Variants in PRDM16 observed in about 807,000 individuals in gnomAD.
The protein encoded by PRDM16 is PR/SET domain 16, also known as histone-lysine N-methyltransferase PRDM16.
A neutral mutation model predicts 110.6 loss-of-function variants in PRDM16; 23 were observed. The ratio of observed to expected loss-of-function variants is 0.21; its 90% confidence interval spans 0.15 to 0.29. The LOEUF is 0.29. PRDM16 is among the 10% of genes least tolerant of loss of function. The probability of loss-of-function intolerance (pLI) is 1.00; values close to 1 mark genes in which losing one functional copy is unlikely to be tolerated. For synonymous variants in PRDM16, 799 were observed against 781.8 expected (o/e 1.02, Z -0.37); for missense variants, 1,615 against 1,794.3 (o/e 0.90, Z 1.81).
At chr1:3,317,266 G>A (rs28541625) in intron 3 of PRDM16, among the ~76,000 whole-genome samples, 4,887 of 152,252 alleles carry the variant, frequency 0.032, 315 homozygotes, top group East Asian at 0.24. Context: ...AGGGACCTTG[G>A]AGACCTTACT....
At chr1:3,161,801 G>C (rs1266824829) in intron 1 of PRDM16, among the ~76,000 whole-genome samples, 1 of 152,244 alleles carries the variant, frequency 6.6e-6, no homozygotes, top group African/African-American at 2.4e-5. Context: ...CGGCGTCCCA[G>C]CTCCTGGGTG....
chr1:3,426,514 C>T (rs1018213761), intron 14 of PRDM16, among the ~76,000 whole-genome samples: 4 of 152,110 alleles, frequency 2.6e-5, no homozygotes, highest in Non-Finnish European at 2.9e-5. Context: ...GTGACCGAGC[C>T]GGGCACAAGT....
At chr1:3,146,843 G>A (rs757103561) in intron 1 of PRDM16, among the ~76,000 whole-genome samples, 52 of 135,076 alleles carry the variant, frequency 3.8e-4, no homozygotes, top group South Asian at 9.8e-4. Flanking sequence ...GTGCACACGT[G>A]TGTGCTCAGT....
At chr1:3,281,999 T>C (rs752089333) in intron 3 of PRDM16, among the ~76,000 whole-genome samples, 1 of 152,176 alleles carries the variant, frequency 6.6e-6, no homozygotes, top group Non-Finnish European at 1.5e-5. Flanking sequence ...GGAAAGGCCT[T>C]GGGCTGCAGT....
Position 3,206,001 on chromosome 1 carries a change from C to T in PRDM16, c.387+19527C>T, listed in dbSNP as rs74048310. On this transcript the variant is annotated intron_variant, in intron 2 of 16. Coordinates refer to ENST00000270722, the MANE Select transcript of PRDM16 (RefSeq NM_022114.4). The surrounding 1 kb of genome is among the most constrained non-coding windows in gnomAD (Gnocchi z 4.9). ...CAGGGAGTTGCAGAAAACAGCAGCG[C>T]GCCCCAGCGCTGCCCTCCCAGCTGT... 0.024 allele frequency: 3,706 copies of T among 152,406 alleles called. 122 individuals are homozygous for T. The highest frequency in any genetic ancestry group is 0.075 in the African/African-American group (3,126 of 41,552). 9.4% of individuals were successfully genotyped at this position (152,406 alleles called of 1,614,324 possible). A position where few individuals can be genotyped will look rare whatever the true frequency, so the allele number is the denominator to read the frequency against.
intron 2 of PRDM16, among the ~76,000 whole-genome samples, chr1:3,219,925 C>T (rs185987952): frequency 3.9e-5 from 6 of 152,314 alleles, no homozygotes; most frequent in African/African-American, 1.4e-4. Context: ...GGCCATGGAC[C>T]CAGACCGGCG....
chr1:3,388,464 C>T (rs1020349240), intron 4 of PRDM16, among the ~76,000 whole-genome samples: 2 of 152,206 alleles, frequency 1.3e-5, no homozygotes, highest in Admixed American at 1.3e-4. Context: ...GTCAGAAAAG[C>T]ATCACCATCA....
Position 3,293,620 on chromosome 1 carries a change from G to A in PRDM16, c.438+49483G>A, listed in dbSNP as rs538875020. Among the ~76,000 whole-genome samples the A allele has an allele frequency of 2.6e-4, 40 of 152,368 alleles. No homozygotes were observed. The South Asian group carries it at 4.3e-3, about 17-fold the overall frequency. On this transcript the variant is annotated intron_variant, in intron 3 of 16. Transcript: ENST00000270722. ...GGAACCGATGATCAGAGGGGAATGC[G>A]TTTGAGCTCCGCTCTGAATAGTATT... is the stretch of plus-strand genomic sequence containing the variant.
At chr1:3,075,254 A>G (rs1641871378) in intron 1 of PRDM16, among the ~76,000 whole-genome samples, 1 of 152,244 alleles carries the variant, frequency 6.6e-6, no homozygotes, top group African/African-American at 2.4e-5. Flanking sequence ...TGCTTATTTT[A>G]TATCCACTAT....
At chr1:3,292,298 T>C (rs1640992582) in intron 3 of PRDM16, among the ~76,000 whole-genome samples, 1 of 152,224 alleles carries the variant, frequency 6.6e-6, no homozygotes, top group South Asian at 2.1e-4. Context: ...GCCGAGGTGA[T>C]AACGCGGGCA....
intron 1 of PRDM16, among the ~76,000 whole-genome samples, chr1:3,161,595 G>A (rs1325793585): frequency 6.6e-6 from 1 of 152,230 alleles, no homozygotes; most frequent in Non-Finnish European, 1.5e-5. Context: ...GCTGGACCAG[G>A]CAGGGCTTCT....
At chr1:3,147,612 G>A (rs1643700920) in intron 1 of PRDM16, among the ~76,000 whole-genome samples, 1 of 152,250 alleles carries the variant, frequency 6.6e-6, no homozygotes, top group Non-Finnish European at 1.5e-5. Context: ...TCTTGACCTT[G>A]GACTCTTTGG....
chr1:3,355,573 C>T (rs1046713418), intron 3 of PRDM16, among the ~76,000 whole-genome samples: 7 of 152,104 alleles, frequency 4.6e-5, no homozygotes, highest in African/African-American at 1.7e-4. Context: ...CAGGCGTGCC[C>T]AAGAACAATA....
At chr1:3,396,773 C>T (rs1643393037) in intron 5 of PRDM16, among the ~76,000 whole-genome samples, 180 bp downstream of exon 5, 1 of 152,202 alleles carries the variant, frequency 6.6e-6, no homozygotes, top group Non-Finnish European at 1.5e-5. Flanking sequence ...GCAGAAATTG[C>T]CCGCCTCCAC....
chr1:3,244,623 C>T lies in PRDM16; in HGVS notation c.438+486C>T, dbSNP rs1441266118. Among the ~76,000 whole-genome samples, 1 of 152,152 alleles carries T rather than the reference C, an allele frequency of 6.6e-6. No homozygotes were observed. Among genetic ancestry groups the T allele is most frequent in the Admixed American group, 6.5e-5 (1 of 15,286 alleles). On this transcript the variant is annotated intron_variant, in intron 3 of 16. Transcript: ENST00000270722. The surrounding 1 kb of genome is among the most constrained non-coding windows in gnomAD (Gnocchi z 4.1). ...CACGAGGCGAGAGAAAAAGGGTCCA[C>T]GTGGCATTATCCACGGCTTTGCTGA...
chr1:3,325,668 GCTCC>G lies in PRDM16; in HGVS notation c.439-59483_439-59480del, dbSNP rs1450162287. 2.3e-4 allele frequency among the ~76,000 whole-genome samples: 35 copies of G among 152,372 alleles called. 1 individual carries two copies. Among genetic ancestry groups the G allele is most frequent in the Admixed American group, 2.0e-3 (31 of 15,308 alleles). On this transcript the variant is annotated intron_variant, in intron 3 of 16. Transcript: ENST00000270722. ...TGAGATCCAGGGGAGGTCAGGGTTG[GCTCC>G]TTCTGAGGCTCTGAGGGAGACTCTG...
At chr1:3,120,017 C>T (rs1432092114) in intron 1 of PRDM16, among the ~76,000 whole-genome samples, 9 of 152,298 alleles carry the variant, frequency 5.9e-5, no homozygotes, top group African/African-American at 2.2e-4. Flanking sequence ...CTTGGGAGCC[C>T]CGCCTGGTGG....
chr1:3,268,613 ACT>A (rs1184363952), intron 3 of PRDM16, among the ~76,000 whole-genome samples: 5 of 151,512 alleles, frequency 3.3e-5, no homozygotes, highest in Non-Finnish European at 7.4e-5. Context: ...AAAATCCATC[ACT>A]CTCAGCAGAA....
chr1:3,418,823 T>C, intron 12 of PRDM16, 79 bp downstream of exon 12: 1 of 1,120,154 alleles, frequency 8.9e-7, no homozygotes, highest in South Asian at 1.2e-5. Context: ...GGAGTAAGTA[T>C]GCCATTCCCA....
Sources: gnomAD v4.1 joint callset for allele counts (sites outside exome capture counted in the v4.1 genomes callset) on GRCh38, gnomAD v4.1.1 for gene constraint, Gnocchi (gnomAD v3.1) non-coding constraint, MANE v1.5 for transcripts, NCBI Gene and HGNC (gene_info 2026-07-23, HGNC 2026-07-21) for gene names.